The following RSPO2 variants were observed in gnomAD, a reference collection of about 807,000 sequenced individuals.
RSPO2 encodes R-spondin 2, also known as R-spondin-2.
In RSPO2, 14 loss-of-function variants were observed where a neutral mutation model predicts 30.9. The observed-to-expected ratio is 0.45, with a 90% CI of 0.30 to 0.71. RSPO2 has a LOEUF of 0.71. RSPO2 is among the 30% of genes least tolerant of loss of function. The pLI, the probability that RSPO2 is intolerant of heterozygous loss-of-function variation, is 0.08. For synonymous variants in RSPO2, 107 were observed against 96.4 expected, an observed-to-expected ratio of 1.11 and a Z score of -0.64; for missense variants, 264 against 301.9, an observed-to-expected ratio of 0.87 and a Z score of 0.93.
chr8:107,988,347 T>C (rs1814721332), intron 3 of RSPO2, among the ~76,000 whole-genome samples: 1 of 151,366 alleles, frequency 6.6e-6, no homozygotes, highest in Non-Finnish European at 1.5e-5. Flanking sequence ...CCAACTCAGA[T>C]AAAAAGAGAA....
intron 2 of RSPO2, among the ~76,000 whole-genome samples, chr8:107,993,547 G>T (rs1195120620): frequency 1.3e-5 from 2 of 152,118 alleles, no homozygotes; most frequent in Non-Finnish European, 2.9e-5. Flanking sequence ...ATAGAAATAA[G>T]ACTACTACAT....
At chr8:108,072,004 A>T (rs2130725914) in intron 2 of RSPO2, among the ~76,000 whole-genome samples, 1 of 152,244 alleles carries the variant, frequency 6.6e-6, no homozygotes, top group South Asian at 2.1e-4. Context: ...AAGAGCAGGG[A>T]ATGACAGATA....
chr8:107,931,823 T>G (rs1812561447), intron 5 of RSPO2, among the ~76,000 whole-genome samples: 1 of 152,172 alleles, frequency 6.6e-6, no homozygotes, highest in Non-Finnish European at 1.5e-5. Context: ...CTGTTCCTTG[T>G]GTATGTATGG....
chr8:107,976,415 A>C (rs1241508815), intron 3 of RSPO2, among the ~76,000 whole-genome samples: 1 of 152,176 alleles, frequency 6.6e-6, no homozygotes, highest in Non-Finnish European at 1.5e-5. Context: ...TCAGAGTGCA[A>C]ATGTGCAATG....
At chr8:107,945,241 C>CCT (rs1345708927) in intron 5 of RSPO2, among the ~76,000 whole-genome samples, 2 of 74,820 alleles carry the variant, frequency 2.7e-5, no homozygotes, top group Admixed American at 2.1e-4. Flanking sequence ...ATTCTTTTAC[C>CCT]TTTTTTTTTT....
At chr8:108,048,296 G>C (rs1811969543) in intron 2 of RSPO2, among the ~76,000 whole-genome samples, 1 of 151,730 alleles carries the variant, frequency 6.6e-6, no homozygotes, top group African/African-American at 2.4e-5. Context: ...CTGACAAGGG[G>C]GAGTGGAGCT....
At chr8:108,041,958 T>C (rs1162256067) in intron 2 of RSPO2, among the ~76,000 whole-genome samples, 1 of 151,994 alleles carries the variant, frequency 6.6e-6, no homozygotes, top group Non-Finnish European at 1.5e-5. Context: ...TCTAACAGTG[T>C]TTAAAAAAAT....
At chr8:107,939,920 C>A (rs962124363) in intron 5 of RSPO2, among the ~76,000 whole-genome samples, 1 of 152,086 alleles carries the variant, frequency 6.6e-6, no homozygotes, top group Non-Finnish European at 1.5e-5. Flanking sequence ...TTAATATCAT[C>A]TTTGAACCAG....
intron 2 of RSPO2, chr8:107,996,969 C>G (rs1815049108): frequency 2.2e-6 from 1 of 450,898 alleles, no homozygotes; most frequent in South Asian, 1.6e-5. Flanking sequence ...TCCCTTAAAG[C>G]AAAAGTGATG....
intron 3 of RSPO2, among the ~76,000 whole-genome samples, chr8:107,980,397 G>A (rs780468844): frequency 6.6e-6 from 1 of 152,154 alleles, no homozygotes; most frequent in African/African-American, 2.4e-5. Context: ...AACCATGCAA[G>A]TGGCTGTTTT....
chr8:107,981,018 T>C (rs563127301), intron 3 of RSPO2, among the ~76,000 whole-genome samples: 100 of 152,348 alleles, frequency 6.6e-4, no homozygotes, highest in Non-Finnish European at 9.1e-4. Flanking sequence ...TATTTCTCAG[T>C]AATCCCAAAC....
At chr8:108,075,610 C>T (rs1026549946) in intron 2 of RSPO2, among the ~76,000 whole-genome samples, 3 of 151,696 alleles carry the variant, frequency 2.0e-5, no homozygotes, top group African/African-American at 4.8e-5. Context: ...CTAGTGTACT[C>T]GGAGAAATTC....
chr8:107,964,603 C>G (rs17318757), intron 3 of RSPO2, among the ~76,000 whole-genome samples: 4,634 of 152,190 alleles, frequency 0.03, 101 homozygotes, highest in Non-Finnish European at 0.045. Flanking sequence ...TGATGTGCTT[C>G]ACAGCCCTTG....
rs1217435218 is a variant in RSPO2, at chr8:107,992,221, G to C, written c.95-2977C>G. Among the ~76,000 whole-genome samples, 4 of 129,228 alleles carry C rather than the reference G, an allele frequency of 3.1e-5. No individual in the cohort carries two copies. The East Asian group carries it at 8.5e-4, about 27-fold the overall frequency. The allele number at this position is 129,228 out of a possible 152,430, so 84.8% of individuals were successfully genotyped here. On this transcript the variant is annotated intron_variant, in intron 2 of 5. Coordinates refer to ENST00000276659, the MANE Select transcript of RSPO2 (RefSeq NM_178565.5). The stretch of plus-strand genomic sequence containing the variant: ...CACACACACCATGGAATACTATACA[G>C]CCATAAAAAAGAATGAGATCATGTC...
At chr8:108,066,144 A>T (rs1477798121) in intron 2 of RSPO2, among the ~76,000 whole-genome samples, 2 of 152,246 alleles carry the variant, frequency 1.3e-5, no homozygotes, top group African/African-American at 4.8e-5. Flanking sequence ...GCTGCCATTC[A>T]AGACAAGCTT....
intron 2 of RSPO2, among the ~76,000 whole-genome samples, chr8:108,008,604 A>G (rs1028018713): frequency 6.6e-6 from 1 of 152,210 alleles, no homozygotes; most frequent in Non-Finnish European, 1.5e-5. Flanking sequence ...ATGTCATCAT[A>G]TAAGTAACAT....
chr8:107,930,093 C>T (rs768048094), intron 5 of RSPO2, among the ~76,000 whole-genome samples: 57 of 152,070 alleles, frequency 3.7e-4, no homozygotes, highest in Non-Finnish European at 5.1e-4. Flanking sequence ...TGCTAATTAC[C>T]ATTAATATGC....
chr8:107,985,789 T>A (rs1383125439), intron 3 of RSPO2, among the ~76,000 whole-genome samples: 1 of 152,196 alleles, frequency 6.6e-6, no homozygotes, highest in East Asian at 1.9e-4. Flanking sequence ...CAATGGCAGC[T>A]TCTAGTGTCT....
At chr8:108,054,807 T>TA (rs1473801609) in intron 2 of RSPO2, among the ~76,000 whole-genome samples, 1 of 152,102 alleles carries the variant, frequency 6.6e-6, no homozygotes, top group Non-Finnish European at 1.5e-5. Context: ...CTGGTCCTCA[T>TA]AGTTTACTAC....
Sources: allele counts gnomAD v4.1 joint callset (sites outside exome capture counted in the v4.1 genomes callset), GRCh38; gene constraint gnomAD v4.1.1; transcripts MANE v1.5; gene names NCBI Gene and HGNC (gene_info 2026-07-23, HGNC 2026-07-21).